The following LRMDA variants were observed in gnomAD, a reference collection of about 807,000 sequenced individuals.
LRMDA encodes the protein leucine-rich melanocyte differentiation-associated protein.
Under a neutral mutation model 29.8 loss-of-function variants are expected in LRMDA, and 18 were observed. That is an observed-to-expected ratio of 0.60 (90% confidence interval 0.42 to 0.90). LRMDA has a LOEUF of 0.90. LRMDA is among the 40% of genes least tolerant of loss of function. LRMDA has a pLI of 0.00. For missense variants in LRMDA, 273 were observed against 273.9 expected, an observed-to-expected ratio of 1.00 and a Z score of 0.02; for synonymous variants, 125 against 109.4, an observed-to-expected ratio of 1.14 and a Z score of -0.89.
intron 6 of LRMDA, among the ~76,000 whole-genome samples, chr10:76,365,563 A>G (rs773841634): frequency 9.9e-5 from 15 of 152,088 alleles, no homozygotes; most frequent in Non-Finnish European, 2.2e-4. Flanking sequence ...AGACTTGTCT[A>G]TTTATGTCCT....
rs149703489 is a variant in LRMDA at position 76,353,014 on chromosome 10, C to T, written c.601+28529C>T. 3.3e-5 allele frequency among the ~76,000 whole-genome samples: 5 copies of T among 152,274 alleles called. No individual in the cohort carries two copies. The East Asian group carries it at 5.8e-4, about 18-fold the overall frequency. On this transcript the variant is annotated intron_variant, in intron 6 of 6. Transcript: ENST00000611255. ...TCTTTGAGTATATCCAGCTTGAGTA[C>T]TTCCATGTTCAAAATGCCTTTCTTT...
chr10:75,580,194 T>C (rs1564805974), intron 2 of LRMDA, among the ~76,000 whole-genome samples: 2 of 152,200 alleles, frequency 1.3e-5, no homozygotes, highest in Admixed American at 6.6e-5. Context: ...GCCCAAAATC[T>C]CCTTAAGCTG....
chr10:76,063,693 C>G (rs1848739401), intron 5 of LRMDA, among the ~76,000 whole-genome samples: 1 of 152,098 alleles, frequency 6.6e-6, no homozygotes, highest in African/African-American at 2.4e-5. Context: ...TTCTTTTCCC[C>G]TAAACTGAAA....
chr10:75,928,310 A>G (rs1846154339), intron 2 of LRMDA, among the ~76,000 whole-genome samples: 2 of 151,718 alleles, frequency 1.3e-5, no homozygotes, highest in African/African-American at 4.8e-5. Flanking sequence ...CACTTTGAGA[A>G]GATTGCTACA....
intron 2 of LRMDA, among the ~76,000 whole-genome samples, chr10:75,823,860 T>C (rs1398132429): frequency 6.6e-6 from 1 of 152,100 alleles, no homozygotes; most frequent in Non-Finnish European, 1.5e-5. Context: ...CTGGAGGCCA[T>C]CCATTATCCT....
intron 2 of LRMDA, among the ~76,000 whole-genome samples, chr10:75,563,818 A>G (rs1840332536): frequency 6.6e-6 from 1 of 152,138 alleles, no homozygotes; most frequent in South Asian, 2.1e-4. Context: ...TTTCCTGGGT[A>G]TCAGCAGCGG....
chr10:76,529,352 A>G (rs575785696), intron 6 of LRMDA, among the ~76,000 whole-genome samples: 1 of 152,296 alleles, frequency 6.6e-6, no homozygotes, highest in African/African-American at 2.4e-5. Flanking sequence ...TTAAGGGCTC[A>G]CTAAATGCTA....
chr10:76,373,561 A>C (rs1214872871), intron 6 of LRMDA, among the ~76,000 whole-genome samples: 3 of 152,076 alleles, frequency 2.0e-5, no homozygotes, highest in African/African-American at 7.2e-5. Context: ...AGATATTGTT[A>C]TCTCCTGTGT....
intron 6 of LRMDA, among the ~76,000 whole-genome samples, chr10:76,478,839 T>A (rs1842706416): frequency 6.7e-6 from 1 of 148,710 alleles, no homozygotes; most frequent in South Asian, 2.1e-4. Flanking sequence ...TAGGTGGGAA[T>A]TGAACAATGA....
At chr10:76,436,434 A>C (rs537273141) in intron 6 of LRMDA, among the ~76,000 whole-genome samples, 5 of 152,248 alleles carry the variant, frequency 3.3e-5, no homozygotes, top group Non-Finnish European at 7.4e-5. Context: ...AGCCCTGTGG[A>C]ATGTGGGCTG....
intron 2 of LRMDA, 116 bp from the exon 3 acceptor site, chr10:76,035,892 A>C: frequency 1.0e-5 from 11 of 1,089,008 alleles, no homozygotes; most frequent in South Asian, 3.5e-5. Flanking sequence ...GCTGACAGGC[A>C]CCAAGCCCAA....
At chr10:75,679,080 T>A (rs1241116497) in intron 2 of LRMDA, among the ~76,000 whole-genome samples, 2 of 152,022 alleles carry the variant, frequency 1.3e-5, no homozygotes, top group Non-Finnish European at 2.9e-5. Flanking sequence ...GAGTTGGAGG[T>A]TCAGTCCTTC....
chr10:76,479,340 C>G (rs1842713040), intron 6 of LRMDA, among the ~76,000 whole-genome samples: 1 of 152,010 alleles, frequency 6.6e-6, no homozygotes, highest in Non-Finnish European at 1.5e-5. Context: ...CCAAAGAGGG[C>G]TCCTCTCACA....
chr10:75,981,631 A>T (rs566644556), intron 2 of LRMDA, among the ~76,000 whole-genome samples: 2 of 152,270 alleles, frequency 1.3e-5, no homozygotes, highest in Non-Finnish European at 2.9e-5. Flanking sequence ...AGGCGGGCAG[A>T]TCACGAGGTC....
chr10:75,500,490 A>T (rs1845100124), intron 2 of LRMDA, among the ~76,000 whole-genome samples: 1 of 152,236 alleles, frequency 6.6e-6, no homozygotes, highest in Non-Finnish European at 1.5e-5. Flanking sequence ...AGTCAAATTC[A>T]GTTTCTACAA....
intron 5 of LRMDA, among the ~76,000 whole-genome samples, chr10:76,253,988 G>T (rs971548504): frequency 6.6e-6 from 1 of 151,990 alleles, no homozygotes; most frequent in African/African-American, 2.4e-5. Flanking sequence ...TAATCATTCT[G>T]CCTTTCCTCT....
At chr10:76,070,309 AT>A (rs1211385979) in intron 5 of LRMDA, among the ~76,000 whole-genome samples, 1 of 152,196 alleles carries the variant, frequency 6.6e-6, no homozygotes, top group African/African-American at 2.4e-5. Context: ...ACAAAATGCC[AT>A]TGACTAGATG....
At chr10:76,100,372 C>G (rs1849377091) in intron 5 of LRMDA, among the ~76,000 whole-genome samples, 1 of 152,194 alleles carries the variant, frequency 6.6e-6, no homozygotes, top group Non-Finnish European at 1.5e-5. Context: ...TAACAGGCCC[C>G]CATCTCACAG....
At chr10:75,760,157 C>T (rs573294749) in intron 2 of LRMDA, among the ~76,000 whole-genome samples, 47 of 152,300 alleles carry the variant, frequency 3.1e-4, no homozygotes, top group African/African-American at 7.9e-4. Context: ...GAAACCAATT[C>T]CCTGTTGTGG....
Sources: allele counts gnomAD v4.1 joint callset (sites outside exome capture counted in the v4.1 genomes callset), GRCh38; gene constraint gnomAD v4.1.1; transcripts MANE v1.5; gene names NCBI Gene and HGNC (gene_info 2026-07-23, HGNC 2026-07-21).